DOK7: variants seen among roughly 807,000 people sequenced by gnomAD.
DOK7 encodes the protein protein Dok-7.
DOK7 carries 32 observed loss-of-function variants against 30.7 expected under a neutral mutation model. That is an observed-to-expected ratio of 1.04 (90% CI 0.79 to 1.40). DOK7 has a LOEUF of 1.40. Among genes scored for constraint, DOK7 ranks in the 40% most tolerant of loss-of-function variants. DOK7 has a pLI of 0.00. For missense variants in DOK7, 1,007 were observed against 699.2 expected (o/e 1.44, Z -4.97); for synonymous variants, 447 against 324.1 (o/e 1.38, Z -4.07).
chr4:3,489,558 CCCAGGGGACTG>C (rs1401609197), intron 5 of DOK7, 108 bp from the exon 6 acceptor site: 4 of 1,504,590 alleles, frequency 2.7e-6, no homozygotes, highest in Admixed American at 2.0e-5. Flanking sequence ...AGCGGGGACT[CCCAGGGGACTG>C]CCACTCCACA....
Position 3,486,511 on chromosome 4 carries a change from G to T in DOK7, c.652+853G>T, listed in dbSNP as rs79594921. 3.3e-5 allele frequency among the ~76,000 whole-genome samples: 5 copies of T among 152,342 alleles called. No individual in the cohort carries two copies. In the East Asian group the frequency reaches 9.7e-4, roughly 29 times the overall value. On this transcript the variant is annotated intron_variant, in intron 5 of 6. Coordinates refer to ENST00000340083, the MANE Select transcript of DOK7 (RefSeq NM_173660.5). The stretch of plus-strand genomic sequence containing the variant: ...GAGGGCAGAGGCGAGCAGCATGTGG[G>T]GTGGGACCTGGGCCTCCCTTCTCCT...
At chr4:3,499,467 G>A (rs987871899), downstream of DOK7, among the ~76,000 whole-genome samples, 6 of 152,200 alleles carry the variant, frequency 3.9e-5, no homozygotes, top group Admixed American at 1.3e-4. Context: ...GGGTGCCCAC[G>A]GTGCGGAGCC....
intron 2 of DOK7, among the ~76,000 whole-genome samples, chr4:3,467,455 C>CA (rs1726364419): frequency 1.5e-5 from 2 of 131,206 alleles, no homozygotes; most frequent in African/African-American, 2.7e-5. Context: ...GAAGACCCCC[C>CA]CCCCCCACCC....
Position 3,493,100 on chromosome 4 carries a change from C to T in DOK7, c.1114C>T (p.Leu372=), listed in dbSNP as rs771196246. The T allele has an allele frequency of 4.4e-6, 7 of 1,581,368 alleles. No individual in the cohort carries two copies. The South Asian group carries it at 6.8e-5, about 15-fold the overall frequency. ...VWRATDELGS[L]LSLPAAGAPE... ...GCGGGCCACAGATGAACTGGGCTCA[C>T]TGCTCAGCCTGCCAGCAGCGGGGGC... is the stretch of plus-strand genomic sequence containing the variant. The change falls in exon 7 of 7, where the codon CTG becomes TTG. Residue 372 remains leucine, a synonymous_variant. Transcript: ENST00000340083.
At position 3,463,537 on chromosome 4, in the gene DOK7, C is replaced by T. The variant is rs1478257270; in HGVS notation, c.86C>T (p.Pro29Leu). 2.1e-5 allele frequency: 26 copies of T among 1,267,110 alleles called. No homozygotes were observed. The highest frequency in any genetic ancestry group is 4.7e-5 in the Admixed American group (2 of 42,780). The allele number at this position is 1,267,110 out of a possible 1,614,324, so 78.5% of individuals were successfully genotyped here. A position where few individuals can be genotyped will look rare whatever the true frequency, so the allele number is the denominator to read the frequency against. ...WKSRWLVLRKPSPVADCLLML... is the reference protein window; with the variant it reads ...WKSRWLVLRKLSPVADCLLML... ...AGTAGGTGGCTGGTGCTGCGGAAGC[C>T]GTCGCCCGTGGCAGGTGAGCGGGGC... The change falls in exon 2 of 7, where the codon CCG becomes CTG. Residue 29 changes from proline (P) to leucine (L), a missense_variant. Transcript: ENST00000340083.
intron 5 of DOK7, 68 bp downstream of exon 5, chr4:3,485,726 G>A (rs1433664238): frequency 1.4e-6 from 2 of 1,413,800 alleles, no homozygotes; most frequent in Non-Finnish European, 1.9e-6. Flanking sequence ...CCGGGGCGGG[G>A]GGCCACAGTG....
downstream of DOK7, among the ~76,000 whole-genome samples, chr4:3,499,156 A>C (rs1226651623): frequency 3.3e-5 from 5 of 152,168 alleles, no homozygotes. Flanking sequence ...TGGGGCAGGG[A>C]GGCCCAGCCT....
chr4:3,493,490 C>T lies in DOK7; in HGVS notation c.1504C>T (p.Pro502Ser), dbSNP rs779975668. 9 of 1,611,196 alleles carry T rather than the reference C, an allele frequency of 5.6e-6. No individual in the cohort carries two copies. Among genetic ancestry groups the T allele is most frequent in the East Asian group, 2.2e-5 (1 of 44,834 alleles). ...AGTCTGTGGAGGACTCAAGGTAAAC[C>T]CCCCTCCTTGAGAGCCGCAGATCCC... ...CPVCGGLKVN[P>S]PP Residue 502 changes from proline to serine, a missense_variant, in exon 7 of 7, where the codon CCC (proline) becomes TCC (serine). Transcript: ENST00000340083.
chr4:3,500,310 C>T lies in DOK7; in HGVS notation c.1168C>T (p.Pro390Ser). The T allele has an allele frequency of 2.6e-6, 4 of 1,535,970 alleles. No individual in the cohort carries two copies. In the Admixed American group the frequency reaches 5.9e-5, roughly 23 times the overall value. Residue 390 changes from proline to serine, a missense_variant, in exon 7 of 8, where the codon CCC becomes TCC. Pro to Ser is a moderately conservative substitution (Grantham distance 74). Coordinates refer to the DOK7 transcript ENST00000643608. ...ACCAGAGAGGCCGCGCGGCGAGTCG[C>T]CCACTTACGTGAACATCCCCGTCAG...
At chr4:3,471,582 G>A (rs1181547244) in intron 2 of DOK7, among the ~76,000 whole-genome samples, 7 of 152,264 alleles carry the variant, frequency 4.6e-5, no homozygotes, top group Non-Finnish European at 8.8e-5. Context: ...TGGGGCCCCC[G>A]TCCTGCGCGG....
At position 3,493,091 on chromosome 4, in the gene DOK7, C is replaced by G. The variant is rs754962151; in HGVS notation, c.1105C>G (p.Leu369Val). ...SLDVWRATDELGSLLSLPAAG... is the reference protein window; with the variant it reads ...SLDVWRATDEVGSLLSLPAAG... ...GGACGTGTGGCGGGCCACAGATGAA[C>G]TGGGCTCACTGCTCAGCCTGCCAGC... The change falls in exon 7 of 7, where the codon CTG becomes GTG. Residue 369 changes from leucine (L) to valine (V), a missense_variant. By Grantham distance (32) the Leu-to-Val change is conservative. Transcript: ENST00000340083. 5 of 1,579,214 alleles carry G rather than the reference C, an allele frequency of 3.2e-6. No homozygotes were observed. Among genetic ancestry groups the G allele is most frequent in the South Asian group, 2.3e-5 (2 of 87,444 alleles).
chr4:3,496,813 G>C, downstream of DOK7: 1 of 1,536,088 alleles, frequency 6.5e-7, no homozygotes, highest in Non-Finnish European at 8.7e-7. Flanking sequence ...GGTTCTCTTT[G>C]GTCTAGGGAG....
At chr4:3,486,706 AGGTGTCTTCCTGCCT>A (rs1727818847) in intron 5 of DOK7, among the ~76,000 whole-genome samples, 1 of 107,280 alleles carries the variant, frequency 9.3e-6, no homozygotes, top group Admixed American at 1.1e-4. Flanking sequence ...GCACCCCTGC[AGGTGTCTTCCTGCCT>A]AGTGGATGCA....
At chr4:3,489,360 A>T (rs1366259830) in intron 5 of DOK7, among the ~76,000 whole-genome samples, 1 of 152,112 alleles carries the variant, frequency 6.6e-6, no homozygotes, top group Non-Finnish European at 1.5e-5. Flanking sequence ...TTGGAACAGA[A>T]AATTGAAAAA....
At chr4:3,470,873 T>G (rs1309061652) in intron 2 of DOK7, among the ~76,000 whole-genome samples, 1 of 151,966 alleles carries the variant, frequency 6.6e-6, no homozygotes, top group Non-Finnish European at 1.5e-5. Context: ...ACAAAGGAGG[T>G]GCTGGTTGGG....
exon 8 of DOK7, chr4:3,501,260 G>T: frequency 5.9e-6 from 1 of 169,490 alleles, no homozygotes; most frequent in Non-Finnish European, 1.3e-5. Context: ...TCACCTGGGT[G>T]TTGTGGCCCT....
At chr4:3,468,506 G>GTGTGCGTGTATGTGTGAC (rs879881019) in intron 2 of DOK7, among the ~76,000 whole-genome samples, 22 of 150,668 alleles carry the variant, frequency 1.5e-4, no homozygotes, top group African/African-American at 2.5e-4. Flanking sequence ...GCATGTGCGT[G>GTGTGCGTGTATGTGTGAC]TGTGCGTGTA....
At chr4:3,487,979 A>G (rs574222084) in intron 5 of DOK7, among the ~76,000 whole-genome samples, 1 of 152,364 alleles carries the variant, frequency 6.6e-6, no homozygotes, top group Admixed American at 6.5e-5. Context: ...TGAAAGTGCC[A>G]GGAGCTGCTA....
Position 3,500,769 on chromosome 4 carries a change from C to CG in DOK7, c.1342dup (p.Ala448GlyfsTer88), listed in dbSNP as rs1729147318. The CG allele has an allele frequency of 6.5e-7, 1 of 1,534,768 alleles. No individual in the cohort carries two copies. Among genetic ancestry groups the CG allele is most frequent in the Non-Finnish European group, 8.7e-7 (1 of 1,146,678 alleles). The stretch of plus-strand genomic sequence containing the variant: ...GCACAGAGTGGGGGTGCGGCACGCA[C>CG]GGGCCCGGGAGGAGCAGCTGTCGGA... On this transcript the variant is annotated frameshift_variant, in exon 8 of 8. Coordinates refer to the DOK7 transcript ENST00000643608. LOFTEE classifies it high-confidence loss of function.
Sources: gnomAD v4.1 joint callset for allele counts (sites outside exome capture counted in the v4.1 genomes callset) on GRCh38, gnomAD v4.1.1 for gene constraint, MANE v1.5 for transcripts, NCBI Gene and HGNC (gene_info 2026-07-23, HGNC 2026-07-21) for gene names.